NAP1L4: variants seen among roughly 807,000 people sequenced by gnomAD.
NAP1L4 encodes nucleosome assembly protein 1 like 4, also known as nucleosome assembly protein 1-like 4.
A neutral mutation model predicts 58.2 loss-of-function variants in NAP1L4; 15 were observed. The observed-to-expected ratio is 0.26, with a 90% confidence interval of 0.17 to 0.40. The LOEUF (loss-of-function observed/expected upper bound fraction) is 0.40. Ranked by LOEUF, NAP1L4 falls within the 10% of genes least tolerant of loss-of-function variation. The pLI is 1.00. For synonymous variants in NAP1L4, 171 were observed against 155.6 expected, an observed-to-expected ratio of 1.10 and a Z score of -0.74; for missense variants, 384 against 451.1, an observed-to-expected ratio of 0.85 and a Z score of 1.35.
At chr11:2,974,131 A>ATT (rs1012392057) in intron 4 of NAP1L4, among the ~76,000 whole-genome samples, 1 of 149,508 alleles carries the variant, frequency 6.7e-6, no homozygotes. Flanking sequence ...ATGACAAAGG[A>ATT]TTTTTTTTTT....
In NAP1L4 at chr11:2,955,675, G is replaced by C; in HGVS notation, c.915+69C>G. ...GCCAGGACTGGACTTTTTTTAACAA[G>C]TAGACAAGTAGACATTCACTCAGGA... On this transcript the variant is annotated intron_variant, in intron 11 of 15. Coordinates refer to ENST00000380542, the MANE Select transcript of NAP1L4 (RefSeq NM_005969.4). The surrounding 1 kb of genome is among the most constrained non-coding windows in gnomAD (Gnocchi z 4.2). 1 of 1,483,318 alleles carries C rather than the reference G, an allele frequency of 6.7e-7. No individual in the cohort carries two copies. Among genetic ancestry groups the C allele is most frequent in the Non-Finnish European group, 9.3e-7 (1 of 1,073,784 alleles). The allele number at this position is 1,483,318 out of a possible 1,614,324, so 91.9% of individuals were successfully genotyped here.
intron 14 of NAP1L4, among the ~76,000 whole-genome samples, chr11:2,950,330 TC>T (rs1315130575): frequency 6.6e-6 from 1 of 152,230 alleles, no homozygotes; most frequent in Non-Finnish European, 1.5e-5. Context: ...TCCCATCCCT[TC>T]CTTGAAGGAA....
Position 2,951,618 on chromosome 11 carries a change from C to T in NAP1L4, c.1065+162G>A, listed in dbSNP as rs570106889. On this transcript the variant is annotated intron_variant, in intron 13 of 15. Coordinates refer to ENST00000380542, the MANE Select transcript of NAP1L4 (RefSeq NM_005969.4). This position sits in a 1 kb window ranked among gnomAD's most constrained non-coding sequence, Gnocchi z 4.0. ...ACGATGGAAACTGTCACAGCATTTG[C>T]TATGCATTTCTGCTTAGTGTTTTAA... is the stretch of plus-strand genomic sequence containing the variant. Among the ~76,000 whole-genome samples, 3 of 152,310 alleles carry T rather than the reference C, an allele frequency of 2.0e-5. No homozygotes were observed. The highest frequency in any genetic ancestry group is 4.4e-5 in the Non-Finnish European group (3 of 68,034).
Position 2,976,042 on chromosome 11 carries a change from G to A in NAP1L4, c.155C>T (p.Pro52Leu). Residue 52 changes from proline to leucine, a missense_variant, in exon 4 of 16, where the codon CCT becomes CTT. Transcript: ENST00000380542. ...QERLDNVPHTPSSYIETLPKA... is the reference protein window; with the variant it reads ...QERLDNVPHTLSSYIETLPKA... Reference sequence around the variant, plus strand: ...CACTTACGTTTCGATGTAGCTGGAAGGGGTGTGAGGGACATTGTCAAGTCG... The same window carrying A: ...CACTTACGTTTCGATGTAGCTGGAAAGGGTGTGAGGGACATTGTCAAGTCG... 1.2e-6 allele frequency: 2 copies of A among 1,613,832 alleles called. No homozygotes were observed. The highest frequency in any genetic ancestry group is 1.7e-6 in the Non-Finnish European group (2 of 1,179,888).
In NAP1L4 at chr11:2,973,510, T is replaced by C. The variant is rs532900368; in HGVS notation, c.174-1267A>G. On this transcript the variant is annotated intron_variant, in intron 4 of 15. Transcript: ENST00000380542. ...TCCAACAACAGACAGCACAGAGCAG[T>C]AGGCAAGTCACACACACATATCACT... Among the ~76,000 whole-genome samples, 8 of 152,198 alleles carry C rather than the reference T, an allele frequency of 5.3e-5. No individual in the cohort carries two copies. In the South Asian group the frequency reaches 6.2e-4, roughly 12 times the overall value.
intron 7 of NAP1L4, among the ~76,000 whole-genome samples, chr11:2,967,230 C>T (rs1350127232): frequency 2.0e-5 from 3 of 152,148 alleles, no homozygotes; most frequent in Non-Finnish European, 4.4e-5. Flanking sequence ...AAGCCACTGA[C>T]CTCTAGGCTG....
At chr11:2,958,365 G>C in intron 10 of NAP1L4, 34 bp downstream of exon 10, 1 of 1,608,778 alleles carries the variant, frequency 6.2e-7, no homozygotes, top group Non-Finnish European at 8.5e-7. Context: ...TTTTATATAA[G>C]AACATAATGA....
chr11:2,956,980 C>T (rs61871234), intron 10 of NAP1L4, among the ~76,000 whole-genome samples: 20,527 of 151,816 alleles, frequency 0.14, 1,488 homozygotes, highest in Middle Eastern at 0.17. Flanking sequence ...ATTTACATAC[C>T]ATTAAAAGGC....
rs892338491 is a variant in NAP1L4 at position 2,955,823 on chromosome 11, A to T, written c.893-57T>A. ...TTACAGTGACAACTCCCAGAATTTT[A>T]AAGCCCACACAGGAGGAAGCTGTGC... On this transcript the variant is annotated intron_variant, in intron 10 of 15. Coordinates refer to ENST00000380542, the MANE Select transcript of NAP1L4 (RefSeq NM_005969.4). The surrounding 1 kb of genome is among the most constrained non-coding windows in gnomAD (Gnocchi z 4.2). 46 of 1,522,752 alleles carry T rather than the reference A, an allele frequency of 3.0e-5. No individual in the cohort carries two copies. The highest frequency in any genetic ancestry group is 4.1e-5 in the African/African-American group (3 of 72,592). 94.3% of individuals were successfully genotyped at this position (1,522,752 alleles called of 1,614,324 possible).
chr11:2,963,575 A>G (rs953791879), intron 8 of NAP1L4, among the ~76,000 whole-genome samples: 1 of 152,212 alleles, frequency 6.6e-6, no homozygotes, highest in African/African-American at 2.4e-5. Flanking sequence ...AGGTACATCC[A>G]CTGCCCACCC....
intron 1 of NAP1L4, among the ~76,000 whole-genome samples, chr11:2,982,714 T>C (rs1191168793): frequency 6.6e-6 from 1 of 152,200 alleles, no homozygotes; most frequent in African/African-American, 2.4e-5. Context: ...TGTTTCTACT[T>C]GCTCATTAAA....
At chr11:2,965,807 G>A (rs1014524521) in intron 7 of NAP1L4, among the ~76,000 whole-genome samples, 1 of 152,194 alleles carries the variant, frequency 6.6e-6, no homozygotes, top group Admixed American at 6.5e-5. Context: ...TGGGATTACA[G>A]GCGTGAGCCA....
intron 8 of NAP1L4, among the ~76,000 whole-genome samples, chr11:2,960,329 A>G (rs1479174266): frequency 6.6e-6 from 1 of 152,166 alleles, no homozygotes; most frequent in Non-Finnish European, 1.5e-5. Flanking sequence ...GGGGGAAGCC[A>G]GGGTCTCTAC....
chr11:2,991,401 A>C (rs1352772885), intron 1 of NAP1L4: 1 of 198,290 alleles, frequency 5.0e-6, no homozygotes, highest in Non-Finnish European at 1.1e-5. Flanking sequence ...TCTGAACTGA[A>C]AGAAAAGCAT....
intron 2 of NAP1L4, among the ~76,000 whole-genome samples, 170 bp downstream of exon 2, chr11:2,979,037 A>T (rs560702731): frequency 3.8e-4 from 58 of 152,338 alleles, no homozygotes; most frequent in Admixed American, 3.8e-3. Context: ...GGCACTGTTC[A>T]TGTCGGAAGT....
At chr11:2,991,665 G>A (rs911360355) in intron 1 of NAP1L4, 1 of 152,822 alleles carries the variant, frequency 6.5e-6, no homozygotes, top group Non-Finnish European at 1.5e-5. Flanking sequence ...ACATGCCCTC[G>A]GCCACACCAA....
chr11:2,972,625 A>G (rs1847708520), intron 4 of NAP1L4, among the ~76,000 whole-genome samples: 1 of 152,232 alleles, frequency 6.6e-6, no homozygotes, highest in Non-Finnish European at 1.5e-5. Context: ...CATCTTTCTG[A>G]AGGGCAGAAA....
chr11:2,981,995 C>G (rs1226138563), intron 1 of NAP1L4, among the ~76,000 whole-genome samples: 2 of 152,190 alleles, frequency 1.3e-5, no homozygotes, highest in Non-Finnish European at 2.9e-5. Context: ...CTCACATATT[C>G]TAAATGCAAG....
At position 2,954,698 on chromosome 11, in the gene NAP1L4, C is replaced by T. The variant is rs1564974476; in HGVS notation, c.916-52G>A. 1 of 1,611,388 alleles carries T rather than the reference C, an allele frequency of 6.2e-7. No homozygotes were observed. ...CTCATTTTAATGGGATAAAAACATT[C>T]ACTTCACCACCCTCAGCCAAACCTC... On this transcript the variant is annotated intron_variant, in intron 11 of 15. Transcript: ENST00000380542. This position sits in a 1 kb window ranked among gnomAD's most constrained non-coding sequence, Gnocchi z 4.8.
Sources: allele counts gnomAD v4.1 joint callset (sites outside exome capture counted in the v4.1 genomes callset), GRCh38; gene constraint gnomAD v4.1.1; non-coding constraint Gnocchi (gnomAD v3.1); transcripts MANE v1.5; gene names NCBI Gene and HGNC (gene_info 2026-07-23, HGNC 2026-07-21).